The following CAV1 variants were observed in gnomAD, a reference collection of about 807,000 sequenced individuals.
The protein encoded by CAV1 is caveolin-1.
CAV1 carries 10 observed loss-of-function variants against 16.5 expected under a neutral mutation model. The observed-to-expected ratio is 0.61, with a 90% CI of 0.37 to 1.03. The LOEUF is 1.03. Among genes scored for constraint, CAV1 ranks in the 50% least tolerant of loss-of-function variants. The pLI is 0.01. For synonymous variants in CAV1, 76 were observed against 85.1 expected (o/e 0.89, Z 0.59); for missense variants, 212 against 232.8 (o/e 0.91, Z 0.58).
intron 2 of CAV1, among the ~76,000 whole-genome samples, chr7:116,546,710 A>AAAAAAAAAAAAAAAAAAAAAAC (rs1794058845): frequency 6.6e-6 from 1 of 150,808 alleles, no homozygotes; most frequent in African/African-American, 2.4e-5. Flanking sequence ...AAAAAAAAAA[A>AAAAAAAAAAAAAAAAAAAAAAC]AAAAGTCTGC....
intron 2 of CAV1, among the ~76,000 whole-genome samples, chr7:116,555,503 A>G (rs1272927942): frequency 0.058 from 313 of 5,396 alleles, 44 homozygotes; most frequent in East Asian, 0.17. Flanking sequence ...AAAGAAAGAA[A>G]GAAAGAAAGA....
rs79000870 is a variant in CAV1, at chr7:116,556,396, C to G, written c.196-2550C>G. Among the ~76,000 whole-genome samples, 1,066 of 152,244 alleles carry G rather than the reference C, an allele frequency of 7.0e-3. 13 individuals are homozygous for G. Among genetic ancestry groups the G allele is most frequent in the African/African-American group, 0.024 (984 of 41,542 alleles). ...TGCCTTTTAATTATGAAATAGCATACTCACCTTAGATAAAATTTGAAAACC... is the reference window on the plus strand; with the variant it reads ...TGCCTTTTAATTATGAAATAGCATAGTCACCTTAGATAAAATTTGAAAACC... On this transcript the variant is annotated intron_variant, in intron 2 of 2. Coordinates refer to ENST00000341049, the MANE Select transcript of CAV1 (RefSeq NM_001753.5).
chr7:116,525,297 A>AG (rs1793533696), intron 1 of CAV1: 2 of 1,554,980 alleles, frequency 1.3e-6, no homozygotes, highest in Admixed American at 2.0e-5. Flanking sequence ...CCTAATGGAG[A>AG]GGGGGCCTAG....
chr7:116,526,256 C>G, intron 1 of CAV1: 5 of 1,235,930 alleles, frequency 4.0e-6, no homozygotes, highest in Non-Finnish European at 5.1e-6. Flanking sequence ...CCTGCCCTGA[C>G]CCCTGGCGGC....
At chr7:116,539,941 AC>A (rs35646544) in intron 2 of CAV1, among the ~76,000 whole-genome samples, 1 of 151,882 alleles carries the variant, frequency 6.6e-6, no homozygotes, top group Non-Finnish European at 1.5e-5. Context: ...TGCCTGTTGA[AC>A]CCCCCATCTA....
chr7:116,538,828 G>T lies in CAV1; in HGVS notation c.195+12139G>T, dbSNP rs143110299. Among the ~76,000 whole-genome samples the T allele has an allele frequency of 6.6e-5, 10 of 152,248 alleles. No homozygotes were observed. In the East Asian group the frequency reaches 1.4e-3, roughly 21 times the overall value. On this transcript the variant is annotated intron_variant, in intron 2 of 2. Coordinates refer to ENST00000341049, the MANE Select transcript of CAV1 (RefSeq NM_001753.5). ...TCACAATCATGGAGGAAGGTGAAAG[G>T]CACATCTTACATGGTGGCAGACAAG...
Position 116,559,732 on chromosome 7 carries a change from G to A in CAV1, c.*445G>A, listed in dbSNP as rs575697009. ...CATGGAGTGTACAAGTATGTGGGCA[G>A]ATTTTCAGCAAACTCTTTTCCCACT... On this transcript the variant is annotated 3_prime_UTR_variant, in exon 3 of 3. Transcript: ENST00000341049. The A allele has an allele frequency of 2.7e-4, 116 of 436,688 alleles. No homozygotes were observed. The highest frequency in any genetic ancestry group is 3.6e-4 in the Non-Finnish European group (91 of 249,978). The allele number at this position is 436,688 out of a possible 1,614,324, so 27.1% of individuals were successfully genotyped here.
intron 2 of CAV1, among the ~76,000 whole-genome samples, chr7:116,547,493 T>C (rs1325465609): frequency 6.6e-6 from 1 of 152,126 alleles, no homozygotes; most frequent in Non-Finnish European, 1.5e-5. Flanking sequence ...CTCTGACACA[T>C]CTGTGCACTC....
intron 2 of CAV1, among the ~76,000 whole-genome samples, chr7:116,539,136 A>G (rs552794268): frequency 2.6e-5 from 4 of 152,314 alleles, no homozygotes; most frequent in African/African-American, 9.6e-5. Context: ...GACAGACCTC[A>G]GTCATCCTCT....
rs185488517 is a variant in CAV1 at position 116,538,039 on chromosome 7, G to A, written c.195+11350G>A. Among the ~76,000 whole-genome samples, 10 of 152,308 alleles carry A rather than the reference G, an allele frequency of 6.6e-5. No individual in the cohort carries two copies. In the East Asian group the frequency reaches 1.7e-3, roughly 26 times the overall value. On this transcript the variant is annotated intron_variant, in intron 2 of 2. Coordinates refer to ENST00000341049, the MANE Select transcript of CAV1 (RefSeq NM_001753.5). Reference sequence around the variant, plus strand: ...CCCTGGGGTGGGGCTGATTCTGTCTGGATATACGGGGAGGGGTAAGCATGA... The same window carrying A: ...CCCTGGGGTGGGGCTGATTCTGTCTAGATATACGGGGAGGGGTAAGCATGA...
At chr7:116,532,176 A>G (rs371666692) in intron 2 of CAV1, among the ~76,000 whole-genome samples, 2 of 152,328 alleles carry the variant, frequency 1.3e-5, no homozygotes, top group African/African-American at 4.8e-5. Flanking sequence ...TCTTTCAGTT[A>G]ACGGCAGGGT....
At chr7:116,533,531 A>G (rs1171399075) in intron 2 of CAV1, among the ~76,000 whole-genome samples, 2 of 152,126 alleles carry the variant, frequency 1.3e-5, no homozygotes, top group Non-Finnish European at 2.9e-5. Flanking sequence ...CAATGGCACA[A>G]TCTTGGCTCA....
chr7:116,528,216 G>A (rs942973819), intron 2 of CAV1, among the ~76,000 whole-genome samples: 5 of 151,970 alleles, frequency 3.3e-5, no homozygotes, highest in Non-Finnish European at 7.4e-5. Context: ...TGGAGCAAGC[G>A]AATCTCCCGG....
At chr7:116,546,697 C>CACAAAAAAAAAAAAAAAAAAAAAAA (rs1794054635) in intron 2 of CAV1, among the ~76,000 whole-genome samples, 1 of 88,386 alleles carries the variant, frequency 1.1e-5, no homozygotes, top group African/African-American at 4.4e-5. Context: ...GACTCTGTCA[C>CACAAAAAAAAAAAAAAAAAAAAAAA]AAAAAAAAAA....
At chr7:116,555,576 GAA>G (rs1167182318) in intron 2 of CAV1, among the ~76,000 whole-genome samples, 4 of 63,988 alleles carry the variant, frequency 6.3e-5, no homozygotes, top group South Asian at 8.4e-4. Flanking sequence ...AAGAAAGAAA[GAA>G]AGAAAGAAAG....
intron 1 of CAV1, chr7:116,525,479 G>A (rs1584765614): frequency 1.5e-6 from 2 of 1,311,352 alleles, no homozygotes; most frequent in East Asian, 7.6e-5. Context: ...GGGTGGAGGT[G>A]TTATTTACCC....
chr7:116,534,334 A>G (rs1319779626), intron 2 of CAV1, among the ~76,000 whole-genome samples: 1 of 134,808 alleles, frequency 7.4e-6, no homozygotes, highest in Non-Finnish European at 1.6e-5. Flanking sequence ...AGGAATGTTT[A>G]CAAATACAGA....
intron 2 of CAV1, among the ~76,000 whole-genome samples, chr7:116,548,420 A>G (rs1794096240): frequency 6.6e-6 from 1 of 152,210 alleles, no homozygotes; most frequent in Non-Finnish European, 1.5e-5. Context: ...GAGGAGTAAG[A>G]GTGATGCTGA....
chr7:116,549,486 A>G (rs1794116053), intron 2 of CAV1, among the ~76,000 whole-genome samples: 1 of 152,188 alleles, frequency 6.6e-6, no homozygotes, highest in South Asian at 2.1e-4. Context: ...CATTTTGAGA[A>G]TGGTTGTGGT....
Sources: gnomAD v4.1 joint callset for allele counts (sites outside exome capture counted in the v4.1 genomes callset) on GRCh38, gnomAD v4.1.1 for gene constraint, MANE v1.5 for transcripts, NCBI Gene and HGNC (gene_info 2026-07-23, HGNC 2026-07-21) for gene names.